NEDD9: variants seen among roughly 807,000 people sequenced by gnomAD.
The protein encoded by NEDD9 is enhancer of filamentation 1.
NEDD9 carries 26 observed loss-of-function variants against 76.6 expected under a neutral mutation model. That is an observed-to-expected ratio of 0.34 (90% CI 0.25 to 0.47). NEDD9 has a LOEUF of 0.47. Among genes scored for constraint, NEDD9 ranks in the 20% least tolerant of loss-of-function variants. The pLI is 1.00. For missense variants in NEDD9, 937 were observed against 1,058.5 expected (o/e 0.89, Z 1.59); for synonymous variants, 392 against 414.2 (o/e 0.95, Z 0.65).
At chr6:11,305,969 T>G (rs770417182) in intron 3 of NEDD9, 2 of 1,613,494 alleles carry the variant, frequency 1.2e-6, no homozygotes, top group Non-Finnish European at 1.7e-6. Flanking sequence ...ACAAATTGTC[T>G]GTTTTTTTCT....
At chr6:11,312,943 ATTG>A (rs1214587266) in intron 2 of NEDD9, among the ~76,000 whole-genome samples, 3 of 152,198 alleles carry the variant, frequency 2.0e-5, no homozygotes, top group Non-Finnish European at 4.4e-5. Context: ...TGTCTTTCTT[ATTG>A]TTCTTAAGAC....
At chr6:11,350,086 A>G (rs1174768698) in intron 1 of NEDD9, among the ~76,000 whole-genome samples, 7 of 152,214 alleles carry the variant, frequency 4.6e-5, no homozygotes, top group Admixed American at 4.6e-4. Context: ...GTTTGATCTA[A>G]TACACAATAA....
chr6:11,225,694 G>T (rs1385266456), intron 1 of NEDD9, among the ~76,000 whole-genome samples: 1 of 151,952 alleles, frequency 6.6e-6, no homozygotes, highest in African/African-American at 2.4e-5. Context: ...GTAGAGACGG[G>T]GTTTCACCGT....
upstream of NEDD9, among the ~76,000 whole-genome samples, chr6:11,234,714 T>G (rs1189738034): frequency 1.1e-4 from 1 of 8,864 alleles, no homozygotes; most frequent in African/African-American, 1.0e-3. Context: ...CATTTTTAAT[T>G]TTTTTTTTTT....
At chr6:11,273,106 A>G (rs1378693498) in intron 3 of NEDD9, among the ~76,000 whole-genome samples, 1 of 152,134 alleles carries the variant, frequency 6.6e-6, no homozygotes, top group East Asian at 1.9e-4. Context: ...ATCTGAAAAA[A>G]AGACACTCCT....
In NEDD9 at chr6:11,213,755, G is replaced by A. The variant is rs181431594; in HGVS notation, c.13-28C>T. Reference sequence around the variant, plus strand: ...AGGAGGGAAGGAAGAGAAGGAAACCGTGTTAGAATATTGGGTCGGTCCCTT... The same window carrying A: ...AGGAGGGAAGGAAGAGAAGGAAACCATGTTAGAATATTGGGTCGGTCCCTT... On this transcript the variant is annotated intron_variant, in intron 1 of 6. Transcript: ENST00000379446. The surrounding 1 kb of genome is among the most constrained non-coding windows in gnomAD (Gnocchi z 5.4). 1.9e-5 allele frequency: 31 copies of A among 1,605,394 alleles called. No homozygotes were observed. The highest frequency in any genetic ancestry group is 6.7e-5 in the East Asian group (3 of 44,780).
At chr6:11,233,008 T>G (rs1049995196), upstream of NEDD9, among the ~76,000 whole-genome samples, 5 of 152,316 alleles carry the variant, frequency 3.3e-5, no homozygotes, top group Admixed American at 3.3e-4. Context: ...TCGCGCTTCC[T>G]GTGACCTAGC....
chr6:11,302,383 C>T (rs571681859), intron 3 of NEDD9, among the ~76,000 whole-genome samples: 1 of 152,216 alleles, frequency 6.6e-6, no homozygotes, highest in Non-Finnish European at 1.5e-5. Context: ...AATAGCCTAC[C>T]AACCAAAAAA....
intron 2 of NEDD9, among the ~76,000 whole-genome samples, chr6:11,326,938 G>A (rs1582031531): frequency 6.6e-6 from 1 of 152,248 alleles, no homozygotes; most frequent in African/African-American, 2.4e-5. Flanking sequence ...CCAGGAAAAA[G>A]AGAGAAAGAG....
chr6:11,339,933 T>G (rs985074388), intron 1 of NEDD9, among the ~76,000 whole-genome samples: 1 of 152,232 alleles, frequency 6.6e-6, no homozygotes, highest in Non-Finnish European at 1.5e-5. Context: ...CTTCTTATGG[T>G]TGATTCCAAA....
At chr6:11,234,419 C>A (rs1218386710), upstream of NEDD9, among the ~76,000 whole-genome samples, 2 of 152,104 alleles carry the variant, frequency 1.3e-5, no homozygotes, top group Non-Finnish European at 2.9e-5. Context: ...AAGCTGAATC[C>A]TTTTTCTGTT....
At chr6:11,363,731 C>T (rs1407452744) in intron 1 of NEDD9, among the ~76,000 whole-genome samples, 1 of 152,148 alleles carries the variant, frequency 6.6e-6, no homozygotes, top group Non-Finnish European at 1.5e-5. Flanking sequence ...TGAATAGATG[C>T]ATGAACCTTT....
intron 2 of NEDD9, among the ~76,000 whole-genome samples, chr6:11,201,657 A>G (rs1300384330): frequency 1.3e-5 from 2 of 152,136 alleles, no homozygotes; most frequent in Non-Finnish European, 2.9e-5. Context: ...TACATTATCT[A>G]TCTATCTATG....
rs146690144 is a variant in NEDD9, at chr6:11,190,252, G to A, written c.1617C>T (p.Pro539=). 6.9e-5 allele frequency: 111 copies of A among 1,614,210 alleles called. No individual in the cohort carries two copies. Among genetic ancestry groups the A allele is most frequent in the African/African-American group, 5.9e-4 (44 of 75,050 alleles). The stretch of plus-strand genomic sequence containing the variant: ...TTGTGGTGAGCTGCTTGGCGTCATC[G>A]GGCACCGTCTTTGCCACCATCACAA... ...DRFVMVAKTV[P]DDAKQLTTTI... is the part of the protein sequence containing the mutation. The change falls in exon 5 of 7, where the codon CCC becomes CCT. Residue 539 remains proline, a synonymous_variant. Coordinates refer to ENST00000379446, the MANE Select transcript of NEDD9 (RefSeq NM_006403.4). The surrounding 1 kb of genome is among the most constrained non-coding windows in gnomAD (Gnocchi z 5.8).
At chr6:11,200,627 C>A in intron 2 of NEDD9, 1 of 1,113,708 alleles carries the variant, frequency 9.0e-7, no homozygotes, top group Non-Finnish European at 1.1e-6. Flanking sequence ...TTAATCATTC[C>A]TAAATTTAAG....
chr6:11,364,445 A>G (rs1762728273), intron 1 of NEDD9, among the ~76,000 whole-genome samples: 1 of 152,064 alleles, frequency 6.6e-6, no homozygotes, highest in Non-Finnish European at 1.5e-5. Flanking sequence ...TGGCCTTGGG[A>G]ATTCCCCCCA....
chr6:11,314,543 A>T (rs1395989386), intron 2 of NEDD9, among the ~76,000 whole-genome samples: 1 of 152,164 alleles, frequency 6.6e-6, no homozygotes, highest in Admixed American at 6.5e-5. Flanking sequence ...GGCAGCTTTT[A>T]TGCCCCCTCA....
At chr6:11,186,130 G>A (rs186011049) in intron 6 of NEDD9, among the ~76,000 whole-genome samples, 59 of 152,188 alleles carry the variant, frequency 3.9e-4, no homozygotes, top group African/African-American at 1.3e-3. Flanking sequence ...AGAAAGCCTC[G>A]ACTATCTCAG....
intron 1 of NEDD9, among the ~76,000 whole-genome samples, chr6:11,217,860 G>T (rs1190021522): frequency 6.6e-6 from 1 of 152,202 alleles, no homozygotes; most frequent in Non-Finnish European, 1.5e-5. Flanking sequence ...GCAGCCTCTA[G>T]CCTTGATCCC....
Sources: gnomAD v4.1 joint callset for allele counts (sites outside exome capture counted in the v4.1 genomes callset) on GRCh38, gnomAD v4.1.1 for gene constraint, Gnocchi (gnomAD v3.1) non-coding constraint, MANE v1.5 for transcripts, NCBI Gene and HGNC (gene_info 2026-07-23, HGNC 2026-07-21) for gene names.